Variants in LAMC3 observed in about 807,000 individuals in gnomAD.
The protein encoded by LAMC3 is laminin subunit gamma 3.
In LAMC3, 128 loss-of-function variants were observed where a neutral mutation model predicts 173.8. The observed-to-expected ratio is 0.74, with a 90% CI of 0.64 to 0.85. The LOEUF is 0.85. LAMC3 is among the 40% of genes least tolerant of loss of function. The pLI is 0.00. For synonymous variants in LAMC3, 897 were observed against 909.1 expected, an observed-to-expected ratio of 0.99 and a Z score of 0.24; for missense variants, 2,022 against 2,156.0, an observed-to-expected ratio of 0.94 and a Z score of 1.23.
chr9:131,091,519 G>A lies in LAMC3; in HGVS notation c.4478-18G>A. The A allele has an allele frequency of 1.9e-6, 3 of 1,568,842 alleles. No individual in the cohort carries two copies. Among genetic ancestry groups the A allele is most frequent in the Non-Finnish European group, 2.6e-6 (3 of 1,157,996 alleles). On this transcript the variant is annotated intron_variant, in intron 27 of 27. Coordinates refer to ENST00000361069, the MANE Select transcript of LAMC3 (RefSeq NM_006059.4). ...AGGGCTGCTGGCTCACAGTGAGGCT[G>A]TTTGTGCCCCACCACAGGGTCGCTG...
intron 12 of LAMC3, among the ~76,000 whole-genome samples, chr9:131,060,811 C>T (rs1829793425): frequency 6.6e-6 from 1 of 152,098 alleles, no homozygotes. Flanking sequence ...GGTGTGGGGG[C>T]ATCAGACAAC....
chr9:131,090,508 C>A (rs1259943754), intron 27 of LAMC3, among the ~76,000 whole-genome samples: 5 of 152,238 alleles, frequency 3.3e-5, no homozygotes, highest in Non-Finnish European at 7.3e-5. Flanking sequence ...CCTTCTCTTG[C>A]ACACTGGCTC....
chr9:131,058,615 C>T (rs537792560), intron 12 of LAMC3, among the ~76,000 whole-genome samples: 1 of 151,974 alleles, frequency 6.6e-6, no homozygotes, highest in African/African-American at 2.4e-5. Flanking sequence ...AGACGGTAGC[C>T]AGGCGTGGTG....
Position 131,085,643 on chromosome 9 carries a change from C to G in LAMC3, c.4150C>G (p.Leu1384Val). 2 of 1,614,174 alleles carry G rather than the reference C, an allele frequency of 1.2e-6. No individual in the cohort carries two copies. Among genetic ancestry groups the G allele is most frequent in the Non-Finnish European group, 1.7e-6 (2 of 1,180,040 alleles). ...GAAGACCAAGCAGGCGGAGAGGATG[C>G]TGGGAAACGCGGCCCCTCTTTCCTC... is the stretch of plus-strand genomic sequence containing the variant. ...RKKTKQAERM[L>V]GNAAPLSSSA... Residue 1384 changes from leucine to valine, a missense_variant, in exon 25 of 28, where the codon CTG becomes GTG. Transcript: ENST00000361069.
chr9:131,073,794 C>G (rs533309568), intron 20 of LAMC3, among the ~76,000 whole-genome samples: 18 of 152,254 alleles, frequency 1.2e-4, no homozygotes, highest in African/African-American at 3.9e-4. Flanking sequence ...CCCGTTTCTC[C>G]TTACCTCCCC....
intron 3 of LAMC3, among the ~76,000 whole-genome samples, chr9:131,032,759 C>T (rs1833866798): frequency 1.3e-5 from 2 of 152,208 alleles, no homozygotes; most frequent in African/African-American, 4.8e-5. Flanking sequence ...ACCTCTGCCT[C>T]CCAGGTTCAA....
rs1199156085 is a variant in LAMC3 at position 131,045,234 on chromosome 9, A to AAACAAC, written c.1383-281_1383-276dup. Among the ~76,000 whole-genome samples, 5 of 90,434 alleles carry AAACAAC rather than the reference A, an allele frequency of 5.5e-5. 1 individual carries two copies. The South Asian group carries it at 1.5e-3, about 27-fold the overall frequency. The allele number at this position is 90,434 out of a possible 152,430, so 59.3% of individuals were successfully genotyped here. A position where few individuals can be genotyped will look rare whatever the true frequency, so the allele number is the denominator to read the frequency against. On this transcript the variant is annotated intron_variant, in intron 7 of 27. Transcript: ENST00000361069. ...AAGACTCTGTCTCAAAAAAAAAAAAAAACAACAACAACAAAAAAACAAAAC... is the reference window on the plus strand; with the variant it reads ...AAGACTCTGTCTCAAAAAAAAAAAAAAACAACAACAACAACAACAAAAAAACAAAAC...
At chr9:131,014,851 C>A (rs1298589524) in intron 1 of LAMC3, among the ~76,000 whole-genome samples, 1 of 152,108 alleles carries the variant, frequency 6.6e-6, no homozygotes. Context: ...GGCGCGGGGG[C>A]AAGTGCCTGT....
chr9:131,088,118 C>T (rs1830362270), intron 27 of LAMC3, among the ~76,000 whole-genome samples: 1 of 152,188 alleles, frequency 6.6e-6, no homozygotes, highest in Non-Finnish European at 1.5e-5. Flanking sequence ...GCAAGAACAC[C>T]CACAGGCACC....
At chr9:131,013,050 G>A (rs979429962) in intron 1 of LAMC3, among the ~76,000 whole-genome samples, 4 of 152,240 alleles carry the variant, frequency 2.6e-5, no homozygotes, top group African/African-American at 9.6e-5. Context: ...AGTGGACAGT[G>A]ACGGGGGTAC....
intron 6 of LAMC3, 87 bp downstream of exon 6, chr9:131,039,335 C>T (rs147871580): frequency 2.8e-6 from 3 of 1,070,394 alleles, no homozygotes; most frequent in Non-Finnish European, 4.2e-6. Context: ...CCCTCCCCTC[C>T]CCATCCCTTC....
At chr9:131,021,473 C>A (rs543709817) in intron 1 of LAMC3, among the ~76,000 whole-genome samples, 3 of 152,078 alleles carry the variant, frequency 2.0e-5, no homozygotes, top group African/African-American at 7.2e-5. Context: ...TCCAATAATA[C>A]ATATATATAA....
chr9:131,023,074 GTTCA>G (rs1407705463), intron 1 of LAMC3, among the ~76,000 whole-genome samples: 1 of 152,146 alleles, frequency 6.6e-6, no homozygotes, highest in East Asian at 1.9e-4. Context: ...CGTTCTCGTG[GTTCA>G]TTCTTGTGGT....
In LAMC3 at chr9:131,077,246, C is replaced by G. The variant is rs538235302; in HGVS notation, c.3689C>G (p.Pro1230Arg). Reference sequence around the variant, plus strand: ...AGGACGGCTGTGGCAGAGGTGCTGCCTGAAGCGGAAAGCGTGTTGGCCACC... The same window carrying G: ...AGGACGGCTGTGGCAGAGGTGCTGCGTGAAGCGGAAAGCGTGTTGGCCACC... Reference protein sequence around the residue: ...ALRTAVAEVLPEAESVLATVQ... With the variant: ...ALRTAVAEVLREAESVLATVQ... Residue 1230 changes from proline (P) to arginine (R), a missense_variant, in exon 22 of 28, where the codon CCT becomes CGT. Pro to Arg is a moderately radical substitution (Grantham distance 103). Coordinates refer to ENST00000361069, the MANE Select transcript of LAMC3 (RefSeq NM_006059.4). The G allele has an allele frequency of 6.2e-7, 1 of 1,614,042 alleles. No homozygotes were observed. The highest frequency in any genetic ancestry group is 1.7e-5 in the Admixed American group (1 of 60,024).
At chr9:131,027,191 A>C (rs1833735815) in intron 2 of LAMC3, among the ~76,000 whole-genome samples, 1 of 152,128 alleles carries the variant, frequency 6.6e-6, no homozygotes, top group African/African-American at 2.4e-5. Context: ...CTGTCAACCC[A>C]CCTGGCCCCT....
In LAMC3 at chr9:131,049,135, C is replaced by G. The variant is rs184221540; in HGVS notation, c.1630+5C>G. 1.3e-3 allele frequency: 2,016 copies of G among 1,526,112 alleles called. 47 individuals carry two copies. The Admixed American group carries it at 0.036, about 27-fold the overall frequency. 94.5% of individuals were successfully genotyped at this position (1,526,112 alleles called of 1,614,324 possible). A position where few individuals can be genotyped will look rare whatever the true frequency, so the allele number is the denominator to read the frequency against. ...AGGAGGAGCTCACAGCACCAGGTAC[C>G]TCCAGCACCAGGTGGGGGCTGGCCG... On this transcript the variant is annotated splice_donor_5th_base_variant and intron_variant, in intron 9 of 27. Coordinates refer to ENST00000361069, the MANE Select transcript of LAMC3 (RefSeq NM_006059.4).
rs755655957 is a variant in LAMC3, at chr9:131,026,390, A to G, written c.479A>G (p.Tyr160Cys). The change falls in exon 2 of 28, where the codon TAC (tyrosine) becomes TGC (cysteine). Residue 160 changes from tyrosine to cysteine, a missense_variant. By Grantham distance (194) the Tyr-to-Cys change is radical. Coordinates refer to ENST00000361069, the MANE Select transcript of LAMC3 (RefSeq NM_006059.4). This position sits in a 1 kb window ranked among gnomAD's most constrained non-coding sequence, Gnocchi z 4.8. Reference sequence around the variant, plus strand: ...CGCGCCGACGGCCCATGGGAGCCCTACCAGTTCTACAGCGCCTCCTGCCAG... The same window carrying G: ...CGCGCCGACGGCCCATGGGAGCCCTGCCAGTTCTACAGCGCCTCCTGCCAG... ...RSRADGPWEP[Y>C]QFYSASCQKT... is the part of the protein sequence containing the mutation. 6.2e-7 allele frequency: 1 copy of G among 1,614,080 alleles called. No homozygotes were observed. The highest frequency in any genetic ancestry group is 8.5e-7 in the Non-Finnish European group (1 of 1,180,028).
intron 1 of LAMC3, among the ~76,000 whole-genome samples, chr9:131,010,419 G>A (rs888836657): frequency 2.0e-5 from 3 of 152,226 alleles, no homozygotes; most frequent in South Asian, 2.1e-4. Context: ...CCCGTGGGGC[G>A]GGAGAGGCAG....
At chr9:131,038,808 CA>C in intron 4 of LAMC3, 55 bp from the exon 5 acceptor site, 1 of 1,555,614 alleles carries the variant, frequency 6.4e-7, no homozygotes, top group Non-Finnish European at 8.8e-7. Flanking sequence ...GACACAGATG[CA>C]GCCTCCTACC....
Sources: gnomAD v4.1 joint callset for allele counts (sites outside exome capture counted in the v4.1 genomes callset) on GRCh38, gnomAD v4.1.1 for gene constraint, Gnocchi (gnomAD v3.1) non-coding constraint, MANE v1.5 for transcripts, NCBI Gene and HGNC (gene_info 2026-07-23, HGNC 2026-07-21) for gene names.